MCM9: variants seen among roughly 807,000 people sequenced by gnomAD.
MCM9 encodes DNA helicase MCM9.
In MCM9, 55 loss-of-function variants were observed where a neutral mutation model predicts 72.8. The ratio of observed to expected loss-of-function variants is 0.76; its 90% CI spans 0.61 to 0.95. The LOEUF (loss-of-function observed/expected upper bound fraction) is 0.95. MCM9 is among the 40% of genes least tolerant of loss of function. MCM9 has a pLI of 0.00. For synonymous variants in MCM9, 480 were observed against 503.4 expected (o/e 0.95, Z 0.62); for missense variants, 1,279 against 1,377.0 (o/e 0.93, Z 1.13).
intron 8 of MCM9, among the ~76,000 whole-genome samples, chr6:118,862,922 TAA>T (rs930005432): frequency 3.3e-5 from 5 of 151,938 alleles, no homozygotes; most frequent in African/African-American, 1.2e-4. Context: ...AAAAGAGAAA[TAA>T]AGACTTTCTC....
At chr6:118,887,467 A>C (rs543656123) in intron 8 of MCM9, among the ~76,000 whole-genome samples, 2 of 152,346 alleles carry the variant, frequency 1.3e-5, no homozygotes, top group African/African-American at 4.8e-5. Flanking sequence ...CATATACAAA[A>C]ATTAATTCAA....
chr6:118,875,407 A>G (rs1445146373), intron 8 of MCM9, among the ~76,000 whole-genome samples: 1 of 152,154 alleles, frequency 6.6e-6, no homozygotes, highest in African/African-American at 2.4e-5. Context: ...AAGCCAAAGC[A>G]GGCATATTGC....
intron 9 of MCM9, among the ~76,000 whole-genome samples, chr6:118,832,027 T>C (rs536181191): frequency 6.6e-6 from 1 of 152,278 alleles, no homozygotes; most frequent in Non-Finnish European, 1.5e-5. Flanking sequence ...AGACTGCCGA[T>C]TCTGCCTGGG....
At chr6:118,889,736 C>T (rs1192168829) in intron 8 of MCM9, among the ~76,000 whole-genome samples, 2 of 152,142 alleles carry the variant, frequency 1.3e-5, no homozygotes, top group Non-Finnish European at 2.9e-5. Flanking sequence ...TAATGATATA[C>T]ACACCAAGAA....
chr6:118,849,199 A>G (rs571261179), intron 9 of MCM9, among the ~76,000 whole-genome samples: 2 of 152,000 alleles, frequency 1.3e-5, no homozygotes, highest in African/African-American at 4.8e-5. Context: ...TGATCCTGAT[A>G]TAGGCAAGGT....
At chr6:118,902,016 A>C (rs1318524715) in intron 8 of MCM9, among the ~76,000 whole-genome samples, 1 of 152,238 alleles carries the variant, frequency 6.6e-6, no homozygotes, top group Non-Finnish European at 1.5e-5. Context: ...TCCTAGCCTT[A>C]GTACTTTTGA....
chr6:118,886,766 C>T (rs574733695), intron 8 of MCM9, among the ~76,000 whole-genome samples: 7 of 152,032 alleles, frequency 4.6e-5, no homozygotes, highest in East Asian at 3.9e-4. Flanking sequence ...CCAGCTTGGG[C>T]GACACAGTGA....
intron 13 of MCM9, among the ~76,000 whole-genome samples, chr6:118,820,611 A>G (rs558994243): frequency 3.4e-4 from 51 of 152,200 alleles, no homozygotes; most frequent in African/African-American, 1.2e-3. Context: ...CATTTGGGGT[A>G]GAGAGTTCTG....
At position 118,934,909 on chromosome 6, in the gene MCM9, C is replaced by G. The variant is rs1292933949; in HGVS notation, c.-168G>C. 1 of 152,236 alleles carries G rather than the reference C, an allele frequency of 6.6e-6. No individual in the cohort carries two copies. Among genetic ancestry groups the G allele is most frequent in the East Asian group, 1.9e-4 (1 of 5,186 alleles). 9.4% of individuals were successfully genotyped at this position (152,236 alleles called of 1,614,324 possible). ...CACTTACTGGCTGTGTCAGAAGTCG[C>G]CGGGAACGCGTTGCTCCCGAGGCCG... On this transcript the variant is annotated 5_prime_UTR_variant, in exon 1 of 14. Transcript: ENST00000619706.
At chr6:118,843,927 T>C (rs1226275960) in intron 9 of MCM9, among the ~76,000 whole-genome samples, 1 of 148,818 alleles carries the variant, frequency 6.7e-6, no homozygotes. Context: ...CTGAAAATGA[T>C]GTGGCAAGGT....
At chr6:118,889,936 G>C (rs1033643550) in intron 8 of MCM9, among the ~76,000 whole-genome samples, 1 of 152,196 alleles carries the variant, frequency 6.6e-6, no homozygotes, top group Non-Finnish European at 1.5e-5. Flanking sequence ...TAATGACGTG[G>C]AGCAGAGAAG....
chr6:118,864,697 T>C (rs1368123020), intron 8 of MCM9, among the ~76,000 whole-genome samples: 1 of 152,204 alleles, frequency 6.6e-6, no homozygotes, highest in Non-Finnish European at 1.5e-5. Context: ...TACTCACATG[T>C]AGAACCCTAA....
chr6:118,882,070 C>A (rs544216766), intron 8 of MCM9, among the ~76,000 whole-genome samples: 2 of 152,174 alleles, frequency 1.3e-5, no homozygotes, highest in Middle Eastern at 3.2e-3. Flanking sequence ...CACGATCTTC[C>A]TTCCTCCACC....
intron 9 of MCM9, among the ~76,000 whole-genome samples, chr6:118,852,357 T>A (rs753401717): frequency 1.1e-4 from 17 of 152,090 alleles, no homozygotes; most frequent in Non-Finnish European, 1.6e-4. Context: ...AAAGTTCAAA[T>A]CTCTCACCTT....
At chr6:118,913,530 T>C in intron 6 of MCM9, 110 bp from the exon 7 acceptor site, 1 of 1,362,558 alleles carries the variant, frequency 7.3e-7, no homozygotes, top group Non-Finnish European at 1.0e-6. Context: ...CTCTACTATG[T>C]GAAGTGATCA....
intron 8 of MCM9, among the ~76,000 whole-genome samples, chr6:118,872,672 A>AC (rs1427712487): frequency 4.6e-5 from 7 of 152,104 alleles, no homozygotes; most frequent in Non-Finnish European, 8.8e-5. Context: ...CCTAAAAAAA[A>AC]ACACACACAC....
intron 9 of MCM9, among the ~76,000 whole-genome samples, chr6:118,836,826 G>A (rs528845189): frequency 2.0e-4 from 30 of 151,938 alleles, no homozygotes; most frequent in African/African-American, 4.6e-4. Flanking sequence ...AGGGTTTTTC[G>A]TGTCTCTACC....
Position 118,814,605 on chromosome 6 carries a change from T to G in MCM9, c.*219A>C, listed in dbSNP as rs1773291136. ...TAAAATTAAGCACAACATAATTAAT[T>G]CAGCTCAGCTGCTGGTATCACACTG... On this transcript the variant is annotated 3_prime_UTR_variant, in exon 14 of 14. Coordinates refer to ENST00000619706, the MANE Select transcript of MCM9 (RefSeq NM_017696.3). 1 of 394,882 alleles carries G rather than the reference T, an allele frequency of 2.5e-6. No individual in the cohort carries two copies. The highest frequency in any genetic ancestry group is 2.1e-5 in the African/African-American group (1 of 48,556). The allele number at this position is 394,882 out of a possible 1,614,324, so 24.5% of individuals were successfully genotyped here.
At chr6:118,821,761 A>C (rs1773827941) in intron 13 of MCM9, among the ~76,000 whole-genome samples, 1 of 151,972 alleles carries the variant, frequency 6.6e-6, no homozygotes, top group Non-Finnish European at 1.5e-5. Context: ...TATACCAATC[A>C]ATCTTAGGTA....
Sources: gnomAD v4.1 joint callset for allele counts (sites outside exome capture counted in the v4.1 genomes callset) on GRCh38, gnomAD v4.1.1 for gene constraint, MANE v1.5 for transcripts, NCBI Gene and HGNC (gene_info 2026-07-23, HGNC 2026-07-21) for gene names.